The following NEBL variants were observed in gnomAD, a reference collection of about 807,000 sequenced individuals.
NEBL encodes the protein nebulette.
NEBL carries 122 observed loss-of-function variants against 140.2 expected under a neutral mutation model. That is an observed-to-expected ratio of 0.87 (90% CI 0.75 to 1.01). The LOEUF is 1.01. NEBL is among the 50% of genes least tolerant of loss of function. NEBL has a pLI of 0.00. For missense variants in NEBL, 1,365 were observed against 1,231.3 expected, an observed-to-expected ratio of 1.11 and a Z score of -1.62; for synonymous variants, 436 against 398.9, an observed-to-expected ratio of 1.09 and a Z score of -1.11.
intron 1 of NEBL, among the ~76,000 whole-genome samples, chr10:21,256,887 C>T (rs527513858): frequency 6.6e-6 from 1 of 152,326 alleles, no homozygotes; most frequent in African/African-American, 2.4e-5. Flanking sequence ...ATTTTTTCTA[C>T]ATTTGACTGC....
intron 4 of NEBL, among the ~76,000 whole-genome samples, chr10:20,923,142 C>T (rs1336734448): frequency 6.6e-6 from 1 of 152,110 alleles, no homozygotes; most frequent in East Asian, 1.9e-4. Context: ...CATCACGGCT[C>T]ACTGCAGCCT....
chr10:20,930,158 G>T (rs1448419830), intron 4 of NEBL, among the ~76,000 whole-genome samples: 3 of 152,066 alleles, frequency 2.0e-5, no homozygotes, highest in African/African-American at 7.2e-5. Context: ...CAACCAAAAT[G>T]TGTCTACCTT....
At chr10:21,112,334 C>G (rs1300174634) in intron 2 of NEBL, among the ~76,000 whole-genome samples, 2 of 152,136 alleles carry the variant, frequency 1.3e-5, no homozygotes, top group Non-Finnish European at 2.9e-5. Context: ...AGACTTGGAA[C>G]CAACCCAAAT....
chr10:21,224,283 A>G (rs367599008), intron 3 of NEBL, among the ~76,000 whole-genome samples: 1 of 152,144 alleles, frequency 6.6e-6, no homozygotes. Flanking sequence ...GTTTTCTTCA[A>G]TGCATGTTCT....
rs143149169 is a variant in NEBL, at chr10:20,808,524, G to A, written c.2747C>T (p.Pro916Leu). The change falls in exon 26 of 28, where the codon CCG becomes CTG. Residue 916 changes from proline (P) to leucine (L), a missense_variant. This residue lies in a region of NEBL where 1,323 missense variants were observed against 1,154.8 expected (regional missense o/e 1.15). Transcript: ENST00000377122. ...SFSCCSEVTRPSDEGAPVLPG... is the reference protein window; with the variant it reads ...SFSCCSEVTRLSDEGAPVLPG... ...ATGTTTGATACCTCCTTCATCAGAC[G>A]GTCTTGTTACCTCACTGCAGCATGA... 6.1e-5 allele frequency: 98 copies of A among 1,613,630 alleles called. No homozygotes were observed. The highest frequency in any genetic ancestry group is 7.6e-5 in the Non-Finnish European group (90 of 1,179,830).
At position 21,100,418 on chromosome 10, in the gene NEBL, T is replaced by G. The variant is rs543723087; in HGVS notation, c.164+71965A>C. Among the ~76,000 whole-genome samples, 26 of 152,304 alleles carry G rather than the reference T, an allele frequency of 1.7e-4. No homozygotes were observed. The South Asian group carries it at 5.0e-3, about 29-fold the overall frequency. ...TTGTCAGCTGTGCGGGCTGCCGCAGTTGTTAGAGCTGGAAGAATCGATGTT... is the reference window on the plus strand; with the variant it reads ...TTGTCAGCTGTGCGGGCTGCCGCAGGTGTTAGAGCTGGAAGAATCGATGTT... On this transcript the variant is annotated intron_variant, in intron 2 of 6. Transcript: ENST00000417816.
chr10:21,089,287 C>A (rs559613814), intron 2 of NEBL, among the ~76,000 whole-genome samples: 2 of 152,150 alleles, frequency 1.3e-5, no homozygotes, highest in Admixed American at 6.5e-5. Flanking sequence ...CCACACAGGG[C>A]ACAGCTGGAT....
At chr10:21,029,783 C>G in intron 2 of NEBL, 1 of 758,696 alleles carries the variant, frequency 1.3e-6, no homozygotes, top group Admixed American at 1.8e-5. Flanking sequence ...CTATGATGAC[C>G]GAGGCAGCAG....
intron 2 of NEBL, among the ~76,000 whole-genome samples, chr10:21,114,732 C>T (rs1838201430): frequency 6.6e-6 from 1 of 151,986 alleles, no homozygotes; most frequent in Non-Finnish European, 1.5e-5. Context: ...TTGATTAACG[C>T]TGGCATGCTG....
Position 21,045,606 on chromosome 10 carries a change from GT to G in NEBL, c.165-25406del, listed in dbSNP as rs1364375061. ...AAGAAGACATACAAATGGCCAACAG[GT>G]GTGTGAAAAATGCTCAACATCACCA... is the stretch of plus-strand genomic sequence containing the variant. On this transcript the variant is annotated intron_variant, in intron 2 of 6. Transcript: ENST00000417816. Among the ~76,000 whole-genome samples, 11 of 152,266 alleles carry G rather than the reference GT, an allele frequency of 7.2e-5. 3 individuals carry two copies. The highest frequency in any genetic ancestry group is 2.6e-4 in the African/African-American group (11 of 41,562).
At chr10:21,214,732 G>A (rs1450011794) in intron 3 of NEBL, among the ~76,000 whole-genome samples, 1 of 152,146 alleles carries the variant, frequency 6.6e-6, no homozygotes, top group East Asian at 1.9e-4. Flanking sequence ...TTACAGAAAA[G>A]TCAGAAAATA....
chr10:20,850,323 C>G, intron 11 of NEBL, 72 bp downstream of exon 11: 5 of 1,236,262 alleles, frequency 4.0e-6, no homozygotes, highest in Non-Finnish European at 6.0e-6. Context: ...ACCCACTGAA[C>G]ATTCTGCGTC....
chr10:21,272,118 ATT>A (rs10678454), intron 1 of NEBL, among the ~76,000 whole-genome samples: 2,041 of 78,948 alleles, frequency 0.026, 66 homozygotes, highest in African/African-American at 0.11. Context: ...CACTTGGTTA[ATT>A]TTTTTTTTTT....
chr10:20,785,941 G>C lies in NEBL; in HGVS notation c.2869-18C>G. 1 of 1,611,678 alleles carries C rather than the reference G, an allele frequency of 6.2e-7. No homozygotes were observed. The highest frequency in any genetic ancestry group is 1.1e-5 in the South Asian group (1 of 91,026). On this transcript the variant is annotated intron_variant, in intron 27 of 27. Transcript: ENST00000377122. ...TAGGTCCTCTGAGAAAGGAAGAAGGGATTATACGATGAATGCCGAAATAGC... is the reference window on the plus strand; with the variant it reads ...TAGGTCCTCTGAGAAAGGAAGAAGGCATTATACGATGAATGCCGAAATAGC...
intron 1 of NEBL, among the ~76,000 whole-genome samples, chr10:21,291,504 TAAAA>T (rs747203288): frequency 2.6e-5 from 3 of 116,600 alleles, no homozygotes; most frequent in Admixed American, 8.8e-5. Flanking sequence ...AGACTCTGTC[TAAAA>T]AAAAAAAAAA....
intron 5 of NEBL, among the ~76,000 whole-genome samples, chr10:20,875,718 T>TAGCCAGCCAGCC (rs575325601): frequency 6.6e-6 from 1 of 151,728 alleles, no homozygotes; most frequent in African/African-American, 2.4e-5. Context: ...GCAGGAGTGA[T>TAGCCAGCCAGCC]AGCCAGCCAG....
intron 4 of NEBL, among the ~76,000 whole-genome samples, chr10:20,926,126 T>C (rs1203465839): frequency 1.3e-5 from 2 of 152,340 alleles, no homozygotes; most frequent in African/African-American, 4.8e-5. Context: ...CTTCATCAGA[T>C]GCACAAAAAA....
At chr10:20,989,610 A>C (rs904836479) in intron 3 of NEBL, among the ~76,000 whole-genome samples, 6 of 152,186 alleles carry the variant, frequency 3.9e-5, no homozygotes, top group South Asian at 2.1e-4. Flanking sequence ...GGAGAAGAAA[A>C]ATATTACAAA....
chr10:20,979,329 A>G (rs1223531498), intron 3 of NEBL, among the ~76,000 whole-genome samples: 1 of 152,144 alleles, frequency 6.6e-6, no homozygotes, highest in East Asian at 1.9e-4. Flanking sequence ...AATGAAGAAA[A>G]AAAAAAGAAA....
Sources: allele counts gnomAD v4.1 joint callset (sites outside exome capture counted in the v4.1 genomes callset), GRCh38; gene constraint gnomAD v4.1.1; regional missense constraint gnomAD v4.1.1; transcripts MANE v1.5; gene names NCBI Gene and HGNC (gene_info 2026-07-23, HGNC 2026-07-21).